The following PDE1C variants were observed in gnomAD, a reference collection of about 807,000 sequenced individuals.
The protein encoded by PDE1C is phosphodiesterase 1C, also known as dual specificity calcium/calmodulin-dependent 3',5'-cyclic nucleotide phosphodiesterase 1C.
A neutral mutation model predicts 93.1 loss-of-function variants in PDE1C; 62 were observed. The observed-to-expected ratio is 0.67, with a 90% confidence interval of 0.54 to 0.82. The LOEUF (loss-of-function observed/expected upper bound fraction) is 0.82, where lower values mean the gene tolerates loss of function less well. PDE1C is among the 40% of genes least tolerant of loss of function. The pLI is 0.00. For missense variants in PDE1C, 742 were observed against 884.6 expected, an observed-to-expected ratio of 0.84 and a Z score of 2.04; for synonymous variants, 325 against 310.1, an observed-to-expected ratio of 1.05 and a Z score of -0.50.
At chr7:31,933,703 G>C (rs1305666486) in intron 2 of PDE1C, among the ~76,000 whole-genome samples, 3 of 152,184 alleles carry the variant, frequency 2.0e-5, no homozygotes, top group African/African-American at 7.2e-5. Context: ...AACCCCATTG[G>C]TGATAGTGAG....
chr7:32,062,255 T>C (rs1157020534), intron 1 of PDE1C, among the ~76,000 whole-genome samples: 1 of 152,162 alleles, frequency 6.6e-6, no homozygotes, highest in African/African-American at 2.4e-5. Flanking sequence ...TCATCCCCCA[T>C]ATCCAAGTCC....
chr7:32,089,698 C>CT (rs1797354804), intron 3 of PDE1C, among the ~76,000 whole-genome samples: 1 of 152,108 alleles, frequency 6.6e-6, no homozygotes, highest in Non-Finnish European at 1.5e-5. Context: ...TACTGCACAG[C>CT]TTTTACAGGG....
At chr7:31,850,804 A>T in intron 7 of PDE1C, 63 bp from the exon 8 acceptor site, 1 of 1,173,396 alleles carries the variant, frequency 8.5e-7, no homozygotes, top group African/African-American at 1.5e-5. Context: ...CAGCTTGCTG[A>T]CAACACACCC....
rs560465165 is a variant in PDE1C at position 32,186,127 on chromosome 7, G to A, written c.137-16171C>T. Among the ~76,000 whole-genome samples the A allele has an allele frequency of 1.1e-4, 14 of 132,232 alleles. No individual in the cohort carries two copies. The South Asian group carries it at 3.3e-3, about 32-fold the overall frequency. 86.7% of individuals were successfully genotyped at this position (132,232 alleles called of 152,430 possible). Reference sequence around the variant, plus strand: ...TTTTTTTTTTTTGAGACGGAGTCTCGCTCTGTCGCCCAGGCCCGACTGCGG... The same window carrying A: ...TTTTTTTTTTTTGAGACGGAGTCTCACTCTGTCGCCCAGGCCCGACTGCGG... On this transcript the variant is annotated intron_variant, in intron 2 of 18. Transcript: ENST00000396193.
intron 1 of PDE1C, among the ~76,000 whole-genome samples, chr7:32,375,357 G>A (rs936167540): frequency 9.2e-5 from 14 of 152,154 alleles, no homozygotes; most frequent in Admixed American, 3.9e-4. Flanking sequence ...AGGGATTAAC[G>A]CCGGGAGTGC....
intron 3 of PDE1C, 167 bp from the exon 4 acceptor site, chr7:31,879,345 C>T (rs946640842): frequency 3.0e-5 from 18 of 606,774 alleles, no homozygotes; most frequent in Non-Finnish European, 4.5e-5. Context: ...TATGTAAGCT[C>T]GCCATGTGTG....
intron 1 of PDE1C, among the ~76,000 whole-genome samples, chr7:32,057,204 A>T (rs762938455): frequency 2.6e-5 from 4 of 152,218 alleles, no homozygotes; most frequent in Admixed American, 6.5e-5. Context: ...GCTTACACAC[A>T]TCCTTAAGCA....
At chr7:32,382,190 T>C (rs1225908514) in intron 1 of PDE1C, among the ~76,000 whole-genome samples, 5 of 152,024 alleles carry the variant, frequency 3.3e-5, no homozygotes. Context: ...CTCCAGGAGC[T>C]CATTGTCCAG....
In PDE1C at chr7:31,845,924, C is replaced by T. The variant is rs142834978; in HGVS notation, c.980+2044G>A. 8.6e-3 allele frequency among the ~76,000 whole-genome samples: 1,313 copies of T among 152,080 alleles called. 19 individuals are homozygous for T. The highest frequency in any genetic ancestry group is 0.03 in the African/African-American group (1,245 of 41,508). ...AGGAGAATCGCTTGAATTTGGGAAG[C>T]GAAGGTTGCAGTGAGCCAAGATCAT... On this transcript the variant is annotated intron_variant, in intron 9 of 17. Coordinates refer to ENST00000396191, the MANE Select transcript of PDE1C (RefSeq NM_001191057.4).
chr7:32,163,588 C>T (rs1802047201), intron 3 of PDE1C, among the ~76,000 whole-genome samples: 1 of 152,160 alleles, frequency 6.6e-6, no homozygotes, highest in South Asian at 2.1e-4. Flanking sequence ...AAGAGAAGCT[C>T]ACCAAGCCCC....
At chr7:32,100,905 A>G (rs1798003473) in intron 3 of PDE1C, among the ~76,000 whole-genome samples, 2 of 152,208 alleles carry the variant, frequency 1.3e-5, no homozygotes, top group Non-Finnish European at 2.9e-5. Context: ...GAAAGGGTTG[A>G]TTCAATTCAC....
At chr7:32,400,068 G>T (rs777312130) in intron 1 of PDE1C, among the ~76,000 whole-genome samples, 1 of 152,092 alleles carries the variant, frequency 6.6e-6, no homozygotes, top group Admixed American at 6.5e-5. Context: ...CCATAAAGTA[G>T]GTAGAGCTCT....
intron 1 of PDE1C, among the ~76,000 whole-genome samples, chr7:32,069,382 A>C (rs544513256): frequency 6.6e-6 from 1 of 152,252 alleles, no homozygotes; most frequent in East Asian, 1.9e-4. Flanking sequence ...ATGCTTGGAG[A>C]AAAGCCATAT....
chr7:31,674,085 C>G, the PDE1C span, among the ~76,000 whole-genome samples: 1 of 152,162 alleles, frequency 6.6e-6, no homozygotes, highest in African/African-American at 2.4e-5. Flanking sequence ...AATGCATACA[C>G]CTGTGCAACT....
chr7:32,376,738 AG>A (rs1296354783), intron 1 of PDE1C, among the ~76,000 whole-genome samples: 18 of 151,992 alleles, frequency 1.2e-4, no homozygotes, highest in Admixed American at 9.2e-4. Context: ...TCCAGGCTGG[AG>A]GGCAGTGGCG....
In PDE1C at chr7:32,197,680, C is replaced by T. The variant is rs576950471; in HGVS notation, c.136+11809G>A. ...GAACCTTGAAGACATTATGCTAAAT[C>T]AAAAACATAGCCAGTCACAATAGAC... On this transcript the variant is annotated intron_variant, in intron 2 of 18. Transcript: ENST00000396193. Among the ~76,000 whole-genome samples the T allele has an allele frequency of 2.0e-5, 3 of 152,236 alleles. No homozygotes were observed. In the South Asian group the frequency reaches 6.2e-4, roughly 32 times the overall value.
At chr7:32,133,303 G>A (rs1467783150) in intron 3 of PDE1C, among the ~76,000 whole-genome samples, 1 of 152,138 alleles carries the variant, frequency 6.6e-6, no homozygotes, top group African/African-American at 2.4e-5. Context: ...CTACCTGAAG[G>A]CTCTGGAGAC....
At chr7:31,964,121 G>A (rs1406024442) in intron 2 of PDE1C, among the ~76,000 whole-genome samples, 3 of 152,230 alleles carry the variant, frequency 2.0e-5, no homozygotes, top group Non-Finnish European at 4.4e-5. Context: ...AAGACAGTGG[G>A]TGCAGCGCAC....
At chr7:31,628,473 T>G in the PDE1C span, among the ~76,000 whole-genome samples, 2 of 150,086 alleles carry the variant, frequency 1.3e-5, no homozygotes, top group African/African-American at 2.5e-5. Flanking sequence ...TTTTTTTTCT[T>G]TTTTTGAGGA....
Sources: allele counts gnomAD v4.1 joint callset (sites outside exome capture counted in the v4.1 genomes callset), GRCh38; gene constraint gnomAD v4.1.1; transcripts MANE v1.5; gene names NCBI Gene and HGNC (gene_info 2026-07-23, HGNC 2026-07-21).